MAP3K5: variants seen among roughly 807,000 people sequenced by gnomAD.
The protein encoded by MAP3K5 is mitogen-activated protein kinase kinase kinase 5.
MAP3K5 carries 56 observed loss-of-function variants against 158.7 expected under a neutral mutation model. That is an observed-to-expected ratio of 0.35 (90% confidence interval 0.28 to 0.44). The LOEUF is 0.44. MAP3K5 is among the 20% of genes least tolerant of loss of function. The pLI, the probability that MAP3K5 is intolerant of heterozygous loss-of-function variation, is 1.00. For synonymous variants in MAP3K5, 579 were observed against 601.7 expected, an observed-to-expected ratio of 0.96 and a Z score of 0.55; for missense variants, 1,294 against 1,674.8, an observed-to-expected ratio of 0.77 and a Z score of 3.97.
At chr6:136,780,164 T>C (rs1701371953) in intron 1 of MAP3K5, among the ~76,000 whole-genome samples, 1 of 152,220 alleles carries the variant, frequency 6.6e-6, no homozygotes, top group African/African-American at 2.4e-5. Context: ...GTACCTTTGA[T>C]TGTCCTCCTA....
At chr6:136,605,062 C>CGA in intron 19 of MAP3K5, 147 bp downstream of exon 19, 6 of 731,594 alleles carry the variant, frequency 8.2e-6, no homozygotes, top group Non-Finnish European at 1.1e-5. Context: ...TGGTTCTAAC[C>CGA]GAGAGAGAAT....
At chr6:136,616,392 CCTCCCGAGT>C (rs1481605346) in intron 15 of MAP3K5, among the ~76,000 whole-genome samples, 1 of 150,850 alleles carries the variant, frequency 6.6e-6, no homozygotes, top group Non-Finnish European at 1.5e-5. Flanking sequence ...GAAACCTCTG[CCTCCCGAGT>C]TCAAGTGATT....
At chr6:136,683,112 G>A (rs1182670700) in intron 7 of MAP3K5, among the ~76,000 whole-genome samples, 1 of 152,056 alleles carries the variant, frequency 6.6e-6, no homozygotes, top group Admixed American at 6.6e-5. Flanking sequence ...TAACACTAAA[G>A]GCTTACTAAA....
At chr6:136,644,306 C>G (rs1229176003) in intron 11 of MAP3K5, among the ~76,000 whole-genome samples, 3 of 152,146 alleles carry the variant, frequency 2.0e-5, no homozygotes, top group Admixed American at 2.0e-4. Flanking sequence ...GGCCTCCCTC[C>G]CCACCTACCT....
At chr6:136,667,895 C>T (rs996659501) in intron 8 of MAP3K5, among the ~76,000 whole-genome samples, 5 of 151,844 alleles carry the variant, frequency 3.3e-5, no homozygotes, top group African/African-American at 1.2e-4. Context: ...TTTAATACCC[C>T]TGCTATCCCA....
intron 23 of MAP3K5, among the ~76,000 whole-genome samples, chr6:136,585,723 G>A (rs1045844176): frequency 4.0e-5 from 6 of 151,664 alleles, no homozygotes; most frequent in African/African-American, 1.5e-4. Context: ...TCTTGAACTC[G>A]TGACCTCAAG....
intron 1 of MAP3K5, among the ~76,000 whole-genome samples, chr6:136,777,766 T>C (rs547981427): frequency 1.1e-4 from 16 of 151,896 alleles, no homozygotes; most frequent in African/African-American, 2.9e-4. Context: ...GCCTTTATTA[T>C]CTAAAGGAAC....
At chr6:136,598,156 A>G (rs545172367) in intron 21 of MAP3K5, among the ~76,000 whole-genome samples, 7 of 152,304 alleles carry the variant, frequency 4.6e-5, no homozygotes, top group Admixed American at 3.9e-4. Context: ...TACTTTAAGC[A>G]CCAGTGCTGC....
chr6:136,772,725 A>G (rs886217011), intron 1 of MAP3K5, among the ~76,000 whole-genome samples: 2 of 152,172 alleles, frequency 1.3e-5, no homozygotes, highest in African/African-American at 4.8e-5. Context: ...AGCAAAATAA[A>G]TCTCATTTTT....
intron 1 of MAP3K5, among the ~76,000 whole-genome samples, chr6:136,756,142 A>G (rs1451938963): frequency 7.4e-5 from 11 of 148,678 alleles, no homozygotes; most frequent in African/African-American, 2.6e-4. Context: ...CCCCGCCTCT[A>G]CAGAAAAAAA....
At chr6:136,663,900 C>A (rs377524556) in intron 8 of MAP3K5, among the ~76,000 whole-genome samples, 1 of 152,092 alleles carries the variant, frequency 6.6e-6, no homozygotes, top group Non-Finnish European at 1.5e-5. Flanking sequence ...CATGAGCCAC[C>A]ATGTCCGGCC....
At chr6:136,700,387 T>C (rs1381229495) in intron 3 of MAP3K5, among the ~76,000 whole-genome samples, 1 of 152,010 alleles carries the variant, frequency 6.6e-6, no homozygotes, top group African/African-American at 2.4e-5. Context: ...TGGTAACTGA[T>C]AACAACCTGA....
intron 1 of MAP3K5, among the ~76,000 whole-genome samples, chr6:136,737,033 G>GTATATATATATA (rs796790486): frequency 0.046 from 5,186 of 111,588 alleles, 182 homozygotes; most frequent in Middle Eastern, 0.092. Flanking sequence ...ATATATATGT[G>GTATATATATATA]TGTGTATATA....
intron 14 of MAP3K5, among the ~76,000 whole-genome samples, chr6:136,630,978 A>G (rs1189584858): frequency 6.6e-6 from 1 of 152,192 alleles, no homozygotes; most frequent in Non-Finnish European, 1.5e-5. Context: ...TGCACACCTT[A>G]GTCCCAGCTA....
intron 28 of MAP3K5, among the ~76,000 whole-genome samples, chr6:136,560,120 A>T (rs1046203054): frequency 2.0e-5 from 3 of 152,240 alleles, no homozygotes; most frequent in African/African-American, 4.8e-5. Flanking sequence ...CAAATATTAC[A>T]ATGTTTTAAT....
At chr6:136,708,468 C>A (rs1052240605) in intron 2 of MAP3K5, among the ~76,000 whole-genome samples, 5 of 151,960 alleles carry the variant, frequency 3.3e-5, no homozygotes, top group Non-Finnish European at 7.4e-5. Context: ...GTTTCCCAGG[C>A]TGGTTTCTAA....
chr6:136,622,108 G>A (rs1413183390), intron 15 of MAP3K5, among the ~76,000 whole-genome samples: 1 of 150,738 alleles, frequency 6.6e-6, no homozygotes, highest in Non-Finnish European at 1.5e-5. Context: ...AAAAGAAATA[G>A]TGACTTTTCC....
chr6:136,638,105 T>C (rs1195941317), intron 13 of MAP3K5, among the ~76,000 whole-genome samples: 1 of 151,970 alleles, frequency 6.6e-6, no homozygotes, highest in Non-Finnish European at 1.5e-5. Flanking sequence ...TGGAGGTCCA[T>C]GACAAGAAAA....
rs1338382519 is a variant in MAP3K5, at chr6:136,792,305, C to G, written c.-148G>C. On this transcript the variant is annotated 5_prime_UTR_variant, in exon 1 of 30. Transcript: ENST00000359015. This position sits in a 1 kb window ranked among gnomAD's most constrained non-coding sequence, Gnocchi z 5.7. The stretch of plus-strand genomic sequence containing the variant: ...CGCCGCCGCGCCGCCGCCTCCTCTC[C>G]GGCGCCCTCTCCCCCGAGGGCACGC... 4 of 1,048,190 alleles carry G rather than the reference C, an allele frequency of 3.8e-6. No homozygotes were observed. The highest frequency in any genetic ancestry group is 4.6e-6 in the Non-Finnish European group (4 of 877,124). 64.9% of individuals were successfully genotyped at this position (1,048,190 alleles called of 1,614,324 possible).
Sources: gnomAD v4.1 joint callset for allele counts (sites outside exome capture counted in the v4.1 genomes callset) on GRCh38, gnomAD v4.1.1 for gene constraint, Gnocchi (gnomAD v3.1) non-coding constraint, MANE v1.5 for transcripts, NCBI Gene and HGNC (gene_info 2026-07-23, HGNC 2026-07-21) for gene names.